The following DCC variants were observed in gnomAD, a reference collection of about 807,000 sequenced individuals.
DCC encodes DCC netrin 1 receptor.
In DCC, 58 loss-of-function variants were observed where a neutral mutation model predicts 172.5. That is an observed-to-expected ratio of 0.34 (90% confidence interval 0.27 to 0.42). The LOEUF is 0.42. Ranked by LOEUF, DCC falls within the 10% of genes least tolerant of loss-of-function variation. The pLI, the probability that DCC is intolerant of heterozygous loss-of-function variation, is 1.00. For missense variants in DCC, 1,740 were observed against 1,791.0 expected (o/e 0.97, Z 0.51); for synonymous variants, 709 against 644.5 (o/e 1.10, Z -1.52).
intron 27 of DCC, among the ~76,000 whole-genome samples, chr18:53,507,719 C>T (rs1329122894): frequency 5.9e-5 from 9 of 152,062 alleles, no homozygotes; most frequent in Admixed American, 3.3e-4. Context: ...AATAATTGCA[C>T]GTACAGACTT....
rs113770726 is a variant in DCC at position 53,029,094 on chromosome 18, A to G, written c.986-34211A>G. ...CTTTATAATTAATTCACAAAGAAGTAAACTAAAAATTACCCAAATGTGGAT... is the reference window on the plus strand; with the variant it reads ...CTTTATAATTAATTCACAAAGAAGTGAACTAAAAATTACCCAAATGTGGAT... On this transcript the variant is annotated intron_variant, in intron 5 of 28. Transcript: ENST00000442544. Among the ~76,000 whole-genome samples, 287 of 148,350 alleles carry G rather than the reference A, an allele frequency of 1.9e-3. 1 individual carries two copies. The highest frequency in any genetic ancestry group is 7.0e-3 in the African/African-American group (266 of 38,120).
Position 53,339,850 on chromosome 18 carries a change from T to C in DCC, c.2302T>C (p.Tyr768His). ...YIIGYGVGSP[Y>H]AETVRVDSKQ... The stretch of plus-strand genomic sequence containing the variant: ...TATCGGTTATGGCGTTGGGAGCCCT[T>C]ACGCTGAGACAGTGCGTGTGGACAG... Residue 768 changes from tyrosine to histidine, a missense_variant, in exon 15 of 29, where the codon TAC (tyrosine) becomes CAC (histidine). Tyr to His is a moderately conservative substitution (Grantham distance 83). Transcript: ENST00000442544. 1.9e-6 allele frequency: 3 copies of C among 1,613,954 alleles called. No individual in the cohort carries two copies. The highest frequency in any genetic ancestry group is 2.2e-5 in the East Asian group (1 of 44,866).
intron 1 of DCC, among the ~76,000 whole-genome samples, chr18:52,442,494 G>C (rs1205587709): frequency 6.6e-6 from 1 of 152,128 alleles, no homozygotes; most frequent in Non-Finnish European, 1.5e-5. Context: ...CTTTTATTTA[G>C]TATTGGAGCC....
At chr18:53,265,264 C>T (rs1035564403) in intron 12 of DCC, among the ~76,000 whole-genome samples, 1 of 152,154 alleles carries the variant, frequency 6.6e-6, no homozygotes, top group African/African-American at 2.4e-5. Flanking sequence ...GCTTTCTTAG[C>T]TATAACCTGG....
At chr18:53,038,289 A>T (rs1294628638) in intron 5 of DCC, among the ~76,000 whole-genome samples, 1 of 152,002 alleles carries the variant, frequency 6.6e-6, no homozygotes, top group East Asian at 1.9e-4. Context: ...ATATGTAATA[A>T]TTACTATTGT....
chr18:52,515,017 A>C (rs907946873), intron 1 of DCC, among the ~76,000 whole-genome samples: 1 of 152,206 alleles, frequency 6.6e-6, no homozygotes, highest in Non-Finnish European at 1.5e-5. Context: ...GTAAATAAAA[A>C]CTACAGTTCA....
intron 1 of DCC, among the ~76,000 whole-genome samples, chr18:52,600,455 T>A (rs1460275390): frequency 6.6e-6 from 1 of 152,000 alleles, no homozygotes; most frequent in Non-Finnish European, 1.5e-5. Context: ...ACCTAACTTA[T>A]TTTTTTTCAA....
intron 1 of DCC, among the ~76,000 whole-genome samples, chr18:52,423,205 T>C (rs1435426614): frequency 6.6e-6 from 1 of 152,116 alleles, no homozygotes; most frequent in African/African-American, 2.4e-5. Flanking sequence ...CAATCCTCAT[T>C]GAAAAAGGCA....
At chr18:52,460,254 G>A (rs1282801524) in intron 1 of DCC, among the ~76,000 whole-genome samples, 1 of 151,864 alleles carries the variant, frequency 6.6e-6, no homozygotes, top group Non-Finnish European at 1.5e-5. Flanking sequence ...GTCAGGCTTT[G>A]CCCCTTTCTC....
intron 1 of DCC, among the ~76,000 whole-genome samples, chr18:52,669,524 G>A (rs1599004372): frequency 6.6e-6 from 1 of 152,186 alleles, no homozygotes. Context: ...AACCAAGATG[G>A]AATTGGTTAG....
chr18:52,348,871 G>A (rs909055606), intron 1 of DCC, among the ~76,000 whole-genome samples: 5 of 152,114 alleles, frequency 3.3e-5, no homozygotes, highest in Non-Finnish European at 7.4e-5. Context: ...AGCAAGTCCT[G>A]CCATGTTAGT....
At chr18:53,331,064 C>A (rs1445790825) in intron 14 of DCC, among the ~76,000 whole-genome samples, 3 of 152,158 alleles carry the variant, frequency 2.0e-5, no homozygotes, top group African/African-American at 7.2e-5. Flanking sequence ...ACTCTAATTT[C>A]AGATAAATGA....
intron 1 of DCC, among the ~76,000 whole-genome samples, chr18:52,563,504 A>T (rs1025870513): frequency 2.6e-5 from 4 of 152,174 alleles, no homozygotes; most frequent in African/African-American, 9.7e-5. Flanking sequence ...TTCCATCTTC[A>T]GCAGGCACAC....
chr18:53,260,399 G>A (rs907129009), intron 12 of DCC, among the ~76,000 whole-genome samples: 11 of 152,112 alleles, frequency 7.2e-5, no homozygotes, highest in African/African-American at 2.7e-4. Flanking sequence ...TGTCCTTTCT[G>A]TTTGTTAATT....
chr18:52,673,518 C>T (rs1247172993), intron 1 of DCC, among the ~76,000 whole-genome samples: 2 of 152,194 alleles, frequency 1.3e-5, no homozygotes, highest in Admixed American at 1.3e-4. Flanking sequence ...ACAGGAAATA[C>T]ATGATAGTCG....
At chr18:53,490,595 ACT>A (rs1322968912) in intron 26 of DCC, among the ~76,000 whole-genome samples, 1 of 152,150 alleles carries the variant, frequency 6.6e-6, no homozygotes, top group East Asian at 1.9e-4. Flanking sequence ...CTCACTCGAT[ACT>A]CTGAATTGCA....
chr18:53,037,026 A>C (rs2042103684), intron 5 of DCC, among the ~76,000 whole-genome samples: 1 of 151,934 alleles, frequency 6.6e-6, no homozygotes, highest in African/African-American at 2.4e-5. Flanking sequence ...GCAAACATAG[A>C]ATTATTTTCA....
At chr18:52,973,256 T>C (rs544093942) in intron 5 of DCC, among the ~76,000 whole-genome samples, 30 of 152,330 alleles carry the variant, frequency 2.0e-4, no homozygotes, top group African/African-American at 7.0e-4. Context: ...TTAATAACTT[T>C]AGTTAAAGGA....
chr18:52,343,988 T>G (rs1703201134), intron 1 of DCC, among the ~76,000 whole-genome samples: 1 of 152,226 alleles, frequency 6.6e-6, no homozygotes, highest in African/African-American at 2.4e-5. Flanking sequence ...GCAGCTGCCC[T>G]CTGAGTTATA....
Sources: allele counts gnomAD v4.1 joint callset (sites outside exome capture counted in the v4.1 genomes callset), GRCh38; gene constraint gnomAD v4.1.1; transcripts MANE v1.5; gene names NCBI Gene and HGNC (gene_info 2026-07-23, HGNC 2026-07-21).